TMEM196: variants seen among roughly 807,000 people sequenced by gnomAD.
TMEM196 encodes the protein transmembrane protein 196.
Under a neutral mutation model 20.0 loss-of-function variants are expected in TMEM196, and 17 were observed. That is an observed-to-expected ratio of 0.85 (90% CI 0.58 to 1.27). The LOEUF (loss-of-function observed/expected upper bound fraction) is 1.27. Among genes scored for constraint, TMEM196 ranks in the 50% most tolerant of loss-of-function variants. The pLI, the probability that TMEM196 is intolerant of heterozygous loss-of-function variation, is 0.00. For missense variants in TMEM196, 267 were observed against 223.0 expected (o/e 1.20, Z -1.26); for synonymous variants, 113 against 88.9 (o/e 1.27, Z -1.52).
intron 1 of TMEM196, among the ~76,000 whole-genome samples, chr7:19,750,867 G>A (rs1784933971): frequency 6.6e-6 from 1 of 152,146 alleles, no homozygotes; most frequent in South Asian, 2.1e-4. Context: ...TTTAAAGGTT[G>A]TAATTCCCCA....
At chr7:19,766,886 A>G (rs1179133131) in intron 1 of TMEM196, among the ~76,000 whole-genome samples, 30 of 152,116 alleles carry the variant, frequency 2.0e-4, no homozygotes. Flanking sequence ...TACACATTGG[A>G]TAATCTGGCT....
chr7:19,764,919 C>G (rs1785566792), intron 1 of TMEM196, among the ~76,000 whole-genome samples: 1 of 152,116 alleles, frequency 6.6e-6, no homozygotes, highest in African/African-American at 2.4e-5. Context: ...GGTCAGGCCT[C>G]AGCGAAAGTT....
At chr7:19,749,991 G>C (rs1784900845) in intron 1 of TMEM196, among the ~76,000 whole-genome samples, 1 of 152,122 alleles carries the variant, frequency 6.6e-6, no homozygotes, top group African/African-American at 2.4e-5. Flanking sequence ...AAATGACTTT[G>C]ATTGTTAGAA....
intron 1 of TMEM196, among the ~76,000 whole-genome samples, chr7:19,749,109 G>A (rs1784866885): frequency 1.3e-5 from 2 of 152,128 alleles, no homozygotes; most frequent in Admixed American, 6.5e-5. Context: ...TGTAAAAAAT[G>A]ATAGGATACT....
intron 1 of TMEM196, among the ~76,000 whole-genome samples, chr7:19,741,469 T>C (rs566951354): frequency 1.1e-4 from 16 of 152,322 alleles, no homozygotes; most frequent in Admixed American, 9.2e-4. Context: ...CAATTAATCA[T>C]CACTGAATCA....
intron 1 of TMEM196, among the ~76,000 whole-genome samples, chr7:19,735,264 T>C (rs1274526439): frequency 6.6e-6 from 1 of 151,952 alleles, no homozygotes; most frequent in African/African-American, 2.4e-5. Context: ...AGAAAAAAAT[T>C]TAAAAAGTGA....
chr7:19,719,530 A>G lies in TMEM196; in HGVS notation c.*2598T>C, dbSNP rs183042043. On this transcript the variant is annotated 3_prime_UTR_variant, in exon 5 of 5. Coordinates refer to ENST00000405844, the MANE Select transcript of TMEM196 (RefSeq NM_001363562.2). ...ACCTATTTGATATGGTCCAAAGTATACCACCACTCCAGTTTCACATAGTTT... is the reference window on the plus strand; with the variant it reads ...ACCTATTTGATATGGTCCAAAGTATGCCACCACTCCAGTTTCACATAGTTT... The G allele has an allele frequency of 6.6e-6, 1 of 152,242 alleles. No individual in the cohort carries two copies. The highest frequency in any genetic ancestry group is 6.5e-5 in the Admixed American group (1 of 15,294). 9.4% of individuals were successfully genotyped at this position (152,242 alleles called of 1,614,324 possible).
intron 1 of TMEM196, among the ~76,000 whole-genome samples, chr7:19,769,330 T>C (rs1785766656): frequency 6.6e-6 from 1 of 152,010 alleles, no homozygotes; most frequent in South Asian, 2.1e-4. Flanking sequence ...ATTATTATTA[T>C]TATTATTCAA....
chr7:19,737,694 CT>C (rs1383826740), intron 1 of TMEM196, among the ~76,000 whole-genome samples: 1 of 151,554 alleles, frequency 6.6e-6, no homozygotes, highest in Non-Finnish European at 1.5e-5. Context: ...ATTCTGTAAA[CT>C]TTTGGAAAAA....
At chr7:19,744,711 C>T (rs1224988328) in intron 1 of TMEM196, among the ~76,000 whole-genome samples, 1 of 152,084 alleles carries the variant, frequency 6.6e-6, no homozygotes, top group African/African-American at 2.4e-5. Flanking sequence ...AAGAATGACC[C>T]CAAATGGAAA....
intron 1 of TMEM196, among the ~76,000 whole-genome samples, chr7:19,753,191 C>G (rs1333980989): frequency 6.6e-6 from 1 of 152,070 alleles, no homozygotes; most frequent in Non-Finnish European, 1.5e-5. Context: ...CTCAGAGTAC[C>G]TTTTTTATGT....
intron 1 of TMEM196, among the ~76,000 whole-genome samples, chr7:19,746,046 T>C (rs1175398812): frequency 6.6e-6 from 1 of 152,102 alleles, no homozygotes; most frequent in African/African-American, 2.4e-5. Flanking sequence ...CATTCATAGG[T>C]TGAAGCTAAT....
chr7:19,762,684 A>G (rs1262649014), intron 1 of TMEM196, among the ~76,000 whole-genome samples: 1 of 152,214 alleles, frequency 6.6e-6, no homozygotes, highest in Non-Finnish European at 1.5e-5. Flanking sequence ...TGTGGAAACT[A>G]TAATAGGGTT....
intron 1 of TMEM196, among the ~76,000 whole-genome samples, chr7:19,759,822 A>G (rs1431739673): frequency 1.3e-5 from 2 of 152,190 alleles, no homozygotes; most frequent in South Asian, 2.1e-4. Flanking sequence ...GGTCTTATCA[A>G]GTAACTATCT....
intron 1 of TMEM196, among the ~76,000 whole-genome samples, chr7:19,767,569 T>C (rs78820852): frequency 0.048 from 7,343 of 152,102 alleles, 227 homozygotes; most frequent in African/African-American, 0.084. Context: ...TAATGGTGCC[T>C]GATTTTGATG....
At chr7:19,727,532 A>G (rs1454237348) in intron 2 of TMEM196, among the ~76,000 whole-genome samples, 4 of 151,194 alleles carry the variant, frequency 2.6e-5, no homozygotes, top group Non-Finnish European at 4.4e-5. Flanking sequence ...AAATCATCCT[A>G]CTAAGTGTAA....
chr7:19,749,103 A>G (rs541113385), intron 1 of TMEM196, among the ~76,000 whole-genome samples: 1 of 152,308 alleles, frequency 6.6e-6, no homozygotes, highest in South Asian at 2.1e-4. Flanking sequence ...TAAACTTGTA[A>G]AAAATGATAG....
rs1050740646 is a variant in TMEM196 at position 19,732,591 on chromosome 7, A to AC, written c.148-3154_148-3153insG. On this transcript the variant is annotated intron_variant, in intron 1 of 4. Transcript: ENST00000405844. ...CCATCTCAAAAAAAAAAAACAAAAA[A>AC]AAAAAAAACGGAATGGAAGTGATTT... Among the ~76,000 whole-genome samples the AC allele has an allele frequency of 1.3e-3, 187 of 142,022 alleles. 3 individuals are homozygous for AC. Among genetic ancestry groups the AC allele is most frequent in the African/African-American group, 4.6e-3 (181 of 39,436 alleles). The allele number at this position is 142,022 out of a possible 152,430, so 93.2% of individuals were successfully genotyped here. A position where few individuals can be genotyped will look rare whatever the true frequency, so the allele number is the denominator to read the frequency against.
At chr7:19,758,553 A>G (rs1012784102) in intron 1 of TMEM196, among the ~76,000 whole-genome samples, 3 of 152,208 alleles carry the variant, frequency 2.0e-5, no homozygotes, top group Non-Finnish European at 4.4e-5. Context: ...TCCTAGTTCT[A>G]CAGCTAGCCA....
Sources: allele counts gnomAD v4.1 joint callset (sites outside exome capture counted in the v4.1 genomes callset), GRCh38; gene constraint gnomAD v4.1.1; transcripts MANE v1.5; gene names NCBI Gene and HGNC (gene_info 2026-07-23, HGNC 2026-07-21).